Variants in MBNL1 observed in about 807,000 individuals in gnomAD.
MBNL1 encodes muscleblind like splicing regulator 1.
Under a neutral mutation model 42.2 loss-of-function variants are expected in MBNL1, and 8 were observed. That is an observed-to-expected ratio of 0.19 (90% CI 0.11 to 0.34). MBNL1 has a LOEUF of 0.34. MBNL1 is among the 10% of genes least tolerant of loss of function. The pLI, the probability that MBNL1 is intolerant of heterozygous loss-of-function variation, is 1.00. For missense variants in MBNL1, 309 were observed against 495.3 expected (o/e 0.62, Z 3.57); for synonymous variants, 169 against 173.9 (o/e 0.97, Z 0.22).
intron 2 of MBNL1, among the ~76,000 whole-genome samples, chr3:152,304,301 T>TG (rs371839236): frequency 5.3e-4 from 80 of 152,310 alleles, no homozygotes; most frequent in African/African-American, 1.9e-3. Flanking sequence ...GATCCTCTGT[T>TG]GCTAGCATGG....
chr3:152,313,170 G>A (rs2152117964), intron 2 of MBNL1, among the ~76,000 whole-genome samples: 2 of 152,136 alleles, frequency 1.3e-5, no homozygotes, highest in Middle Eastern at 6.8e-3. Context: ...TTACAGGCGT[G>A]CACCACCACA....
intron 2 of MBNL1, among the ~76,000 whole-genome samples, chr3:152,353,300 G>A (rs1448094901): frequency 6.6e-6 from 1 of 152,176 alleles, no homozygotes; most frequent in African/African-American, 2.4e-5. Context: ...AGAGAGATGG[G>A]AAAAGAACAT....
At chr3:152,350,833 T>A (rs1416068870) in intron 2 of MBNL1, among the ~76,000 whole-genome samples, 5 of 152,274 alleles carry the variant, frequency 3.3e-5, no homozygotes, top group Admixed American at 6.5e-5. Context: ...TTATTTTAAC[T>A]TTGACTTATA....
chr3:152,298,549 C>G (rs1036169667), intron 1 of MBNL1, among the ~76,000 whole-genome samples: 1 of 152,212 alleles, frequency 6.6e-6, no homozygotes, highest in Non-Finnish European at 1.5e-5. Context: ...TTACCAGACA[C>G]ACTGACAACA....
Position 152,442,443 on chromosome 3 carries a change from T to A in MBNL1, c.550-2839T>A, listed in dbSNP as rs188071555. Among the ~76,000 whole-genome samples, 6 of 152,354 alleles carry A rather than the reference T, an allele frequency of 3.9e-5. No individual in the cohort carries two copies. In the East Asian group the frequency reaches 1.2e-3, roughly 29 times the overall value. ...GTGTGCATACATACAGAAGACTGGATGAGAAGAGAAAAATGAACCACAGTG... is the reference window on the plus strand; with the variant it reads ...GTGTGCATACATACAGAAGACTGGAAGAGAAGAGAAAAATGAACCACAGTG... On this transcript the variant is annotated intron_variant, in intron 4 of 9. Coordinates refer to ENST00000324210, the MANE Select transcript of MBNL1 (RefSeq NM_021038.5).
chr3:152,355,277 A>G (rs1383383118), intron 2 of MBNL1, among the ~76,000 whole-genome samples: 1 of 152,206 alleles, frequency 6.6e-6, no homozygotes, highest in Non-Finnish European at 1.5e-5. Context: ...TATCTATCTT[A>G]TAGTGTTGTT....
chr3:152,395,021 G>C (rs934143757), intron 2 of MBNL1, among the ~76,000 whole-genome samples: 1 of 152,032 alleles, frequency 6.6e-6, no homozygotes, highest in South Asian at 2.1e-4. Flanking sequence ...ACCACGCCAG[G>C]CTAATTTTTG....
chr3:152,271,891 A>C (rs1383290233), intron 1 of MBNL1, among the ~76,000 whole-genome samples: 1 of 152,106 alleles, frequency 6.6e-6, no homozygotes, highest in Non-Finnish European at 1.5e-5. Context: ...GAGAAGTGTA[A>C]AATACTACCG....
intron 1 of MBNL1, among the ~76,000 whole-genome samples, chr3:152,297,913 C>G (rs2059340745): frequency 6.6e-6 from 1 of 152,128 alleles, no homozygotes; most frequent in African/African-American, 2.4e-5. Context: ...CTCAGCCTCC[C>G]AAAGTGCGGG....
intron 2 of MBNL1, among the ~76,000 whole-genome samples, chr3:152,307,640 G>A (rs1350733478): frequency 6.6e-6 from 1 of 152,130 alleles, no homozygotes; most frequent in African/African-American, 2.4e-5. Flanking sequence ...ATACATGCAA[G>A]GTCAGTCAGC....
intron 3 of MBNL1, among the ~76,000 whole-genome samples, chr3:152,424,674 C>CAT (rs1454418185): frequency 6.6e-6 from 1 of 151,874 alleles, no homozygotes; most frequent in Non-Finnish European, 1.5e-5. Context: ...TACCTGACTT[C>CAT]ATACTACAAG....
chr3:152,269,362 G>A, intron 1 of MBNL1: 8 of 354,204 alleles, frequency 2.3e-5, no homozygotes, highest in South Asian at 1.6e-4. Flanking sequence ...CGGCTTGGCA[G>A]CCCAGCGGGA....
At chr3:152,348,535 G>A (rs1057455505) in intron 2 of MBNL1, among the ~76,000 whole-genome samples, 1 of 151,962 alleles carries the variant, frequency 6.6e-6, no homozygotes, top group Non-Finnish European at 1.5e-5. Flanking sequence ...TAATCTTTTG[G>A]TTGTAATTTA....
At chr3:152,417,985 A>G (rs1360671769) in intron 3 of MBNL1, among the ~76,000 whole-genome samples, 3 of 152,194 alleles carry the variant, frequency 2.0e-5, no homozygotes, top group African/African-American at 4.8e-5. Flanking sequence ...TCAGAGCACA[A>G]CACTGGGCTA....
intron 2 of MBNL1, among the ~76,000 whole-genome samples, chr3:152,332,744 G>GCGCA (rs1372009052): frequency 6.7e-6 from 1 of 148,536 alleles, no homozygotes; most frequent in Non-Finnish European, 1.5e-5. Flanking sequence ...GTGTGTGCGC[G>GCGCA]CGCGCATGCG....
intron 2 of MBNL1, among the ~76,000 whole-genome samples, chr3:152,403,621 A>G (rs1474166068): frequency 6.6e-6 from 1 of 152,142 alleles, no homozygotes; most frequent in African/African-American, 2.4e-5. Flanking sequence ...TATTTGGGGA[A>G]CTGCCCTAGA....
At chr3:152,275,764 A>C (rs1559974032) in intron 1 of MBNL1, among the ~76,000 whole-genome samples, 1 of 151,694 alleles carries the variant, frequency 6.6e-6, no homozygotes, top group Non-Finnish European at 1.5e-5. Flanking sequence ...AGGTAGAAAA[A>C]CAAAAACGGA....
chr3:152,350,215 T>A (rs2094799724), intron 2 of MBNL1, among the ~76,000 whole-genome samples: 1 of 152,040 alleles, frequency 6.6e-6, no homozygotes, highest in African/African-American at 2.4e-5. Context: ...AGAAAAACAT[T>A]CAGAAAGTAA....
upstream of MBNL1, chr3:152,267,288 G>C (rs1402218166): frequency 6.6e-6 from 1 of 152,492 alleles, no homozygotes; most frequent in African/African-American, 2.4e-5. Flanking sequence ...ACCTTTCAAG[G>C]CACCAGTTAA....
Sources: allele counts gnomAD v4.1 joint callset (sites outside exome capture counted in the v4.1 genomes callset), GRCh38; gene constraint gnomAD v4.1.1; transcripts MANE v1.5; gene names NCBI Gene and HGNC (gene_info 2026-07-23, HGNC 2026-07-21).